Variants in CLEC1A observed in about 807,000 individuals in gnomAD.
CLEC1A encodes C-type lectin-like receptor-1.
A neutral mutation model predicts 28.7 loss-of-function variants in CLEC1A; 34 were observed. That is an observed-to-expected ratio of 1.18 (90% CI 0.90 to 1.57). The LOEUF (loss-of-function observed/expected upper bound fraction) is 1.57. Ranked by LOEUF, CLEC1A falls within the 40% of genes most tolerant of loss-of-function variation. CLEC1A has a pLI of 0.00. For missense variants in CLEC1A, 385 were observed against 339.5 expected, an observed-to-expected ratio of 1.13 and a Z score of -1.05; for synonymous variants, 116 against 121.0, an observed-to-expected ratio of 0.96 and a Z score of 0.27.
At chr12:10,088,996 A>T in intron 2 of CLEC1A, 128 bp downstream of exon 2, 1 of 739,188 alleles carries the variant, frequency 1.4e-6, no homozygotes, top group Non-Finnish European at 2.4e-6. Context: ...TGCCATTTAA[A>T]AAAAGATACA....
chr12:10,077,472 C>T (rs184387405), intron 3 of CLEC1A, among the ~76,000 whole-genome samples: 1 of 152,052 alleles, frequency 6.6e-6, no homozygotes, highest in East Asian at 1.9e-4. Context: ...TATTTTTGGC[C>T]GGAAAAACGG....
chr12:10,077,606 C>T (rs1410349470), intron 3 of CLEC1A, among the ~76,000 whole-genome samples: 5 of 151,942 alleles, frequency 3.3e-5, no homozygotes, highest in Non-Finnish European at 7.4e-5. Flanking sequence ...CTATAAATTA[C>T]CATTTTTATA....
chr12:10,086,909 A>T (rs535462936), intron 2 of CLEC1A, among the ~76,000 whole-genome samples: 7 of 152,132 alleles, frequency 4.6e-5, no homozygotes, highest in Non-Finnish European at 1.0e-4. Context: ...CATCAACAAA[A>T]GGCTAGCTAA....
chr12:10,073,957 T>C (rs1242933249), intron 4 of CLEC1A, among the ~76,000 whole-genome samples: 1 of 152,238 alleles, frequency 6.6e-6, no homozygotes, highest in African/African-American at 2.4e-5. Flanking sequence ...GTCCTATACA[T>C]GGTAATCCTT....
chr12:10,074,499 AT>A (rs1254472821), intron 4 of CLEC1A, among the ~76,000 whole-genome samples: 5 of 152,236 alleles, frequency 3.3e-5, no homozygotes, highest in Non-Finnish European at 7.3e-5. Context: ...AAATAACTAC[AT>A]AGGTTCAACA....
intron 3 of CLEC1A, among the ~76,000 whole-genome samples, chr12:10,076,439 T>C (rs1322827827): frequency 6.6e-6 from 1 of 152,160 alleles, no homozygotes; most frequent in Non-Finnish European, 1.5e-5. Context: ...GTTTATATCT[T>C]CTTGTAAATT....
chr12:10,077,396 G>A (rs1866273434), intron 3 of CLEC1A, among the ~76,000 whole-genome samples: 1 of 152,018 alleles, frequency 6.6e-6, no homozygotes, highest in Admixed American at 6.5e-5. Flanking sequence ...ACAACAGAGT[G>A]AGACCCTGTT....
intron 4 of CLEC1A, 146 bp from the exon 5 acceptor site, chr12:10,073,557 C>G (rs567597219): frequency 1.6e-6 from 1 of 625,782 alleles, no homozygotes; most frequent in African/African-American, 1.8e-5. Flanking sequence ...GAAAAAGCAT[C>G]TATGCTGAGG....
intron 2 of CLEC1A, among the ~76,000 whole-genome samples, chr12:10,082,367 C>T (rs1866390495): frequency 1.3e-5 from 2 of 152,214 alleles, no homozygotes; most frequent in Admixed American, 6.5e-5. Context: ...GCAAGACTTG[C>T]ATCACCAGCT....
intron 1 of CLEC1A, among the ~76,000 whole-genome samples, chr12:10,098,543 C>T (rs550768739): frequency 2.0e-5 from 3 of 152,136 alleles, no homozygotes; most frequent in Admixed American, 1.3e-4. Context: ...GTGTATATTA[C>T]CATGTGAGTC....
In CLEC1A at chr12:10,070,233, T is replaced by G. The variant is rs537075482; in HGVS notation, c.*1100A>C. 1.3e-5 allele frequency: 2 copies of G among 152,358 alleles called. No individual in the cohort carries two copies. Among genetic ancestry groups the G allele is most frequent in the South Asian group, 4.1e-4 (2 of 4,834 alleles). 9.4% of individuals were successfully genotyped at this position (152,358 alleles called of 1,614,324 possible). On this transcript the variant is annotated 3_prime_UTR_variant, in exon 6 of 6. Coordinates refer to ENST00000315330, the MANE Select transcript of CLEC1A (RefSeq NM_016511.4). ...CAACTCAGCTTCCTCATCAACCATG[T>G]GTTGATGCCATAAGCTCACCTCAAA...
At position 10,098,906 on chromosome 12, in the gene CLEC1A, C is replaced by T. The variant is rs772786056; in HGVS notation, c.17G>A (p.Ser6Asn). The T allele has an allele frequency of 6.2e-7, 1 of 1,612,252 alleles. No homozygotes were observed. The highest frequency in any genetic ancestry group is 2.2e-5 in the East Asian group (1 of 44,856). The change falls in exon 1 of 6, where the codon AGC (serine) becomes AAC (asparagine). Residue 6 changes from serine to asparagine, a missense_variant. By Grantham distance (46) the Ser-to-Asn change is conservative (BLOSUM62 1). Transcript: ENST00000315330. ...ATCATCCAGCATGTCCCTCGTGCTGCTGTACTTGGCCTGCATCTGGATTCC... is the reference window on the plus strand; with the variant it reads ...ATCATCCAGCATGTCCCTCGTGCTGTTGTACTTGGCCTGCATCTGGATTCC... MQAKY[S>N]STRDMLDDDG... is the part of the protein sequence containing the mutation.
intron 2 of CLEC1A, among the ~76,000 whole-genome samples, chr12:10,082,080 A>G (rs1411231865): frequency 1.3e-5 from 2 of 152,200 alleles, no homozygotes; most frequent in Non-Finnish European, 2.9e-5. Context: ...CAGTGGAATT[A>G]AAGAGGAGAC....
In CLEC1A at chr12:10,081,353, C is replaced by CTTTCTTCCA; in HGVS notation, c.266_274dup (p.Met89_Glu91dup). ...CAACTCTTGGGACGTATTTCCTAAT[C>CTTTCTTCCA]TTTCTTCCATTTGAGAAATGGTGTC... On this transcript the variant is annotated inframe_insertion, in exon 3 of 6. Coordinates refer to ENST00000315330, the MANE Select transcript of CLEC1A (RefSeq NM_016511.4). 1 of 1,613,280 alleles carries CTTTCTTCCA rather than the reference C, an allele frequency of 6.2e-7. No homozygotes were observed. The highest frequency in any genetic ancestry group is 8.5e-7 in the Non-Finnish European group (1 of 1,179,672).
rs186630568 is a variant in CLEC1A at position 10,089,632 on chromosome 12, G to A, written c.116-410C>T. On this transcript the variant is annotated intron_variant, in intron 1 of 5. Coordinates refer to ENST00000315330, the MANE Select transcript of CLEC1A (RefSeq NM_016511.4). The stretch of plus-strand genomic sequence containing the variant: ...GGGACAACTTTTTACATAATCAGGG[G>A]AAAGATGAAATTAATTTGTTGTTAC... Among the ~76,000 whole-genome samples, 29 of 152,098 alleles carry A rather than the reference G, an allele frequency of 1.9e-4. 1 individual carries two copies. In the East Asian group the frequency reaches 3.1e-3, roughly 16 times the overall value.
rs1013740650 is a variant in CLEC1A, at chr12:10,089,104, A to C, written c.214+20T>G. On this transcript the variant is annotated intron_variant, in intron 2 of 5. Coordinates refer to ENST00000315330, the MANE Select transcript of CLEC1A (RefSeq NM_016511.4). ...AACCTTGGAACCAGGATCCTCCCCCAGGTCAGAGCGCAGACTTACACAAAA... is the reference window on the plus strand; with the variant it reads ...AACCTTGGAACCAGGATCCTCCCCCCGGTCAGAGCGCAGACTTACACAAAA... 186 of 1,583,272 alleles carry C rather than the reference A, an allele frequency of 1.2e-4. 2 individuals carry two copies. The Admixed American group carries it at 3.0e-3, about 26-fold the overall frequency.
At chr12:10,089,852 T>C (rs1371292978) in intron 1 of CLEC1A, among the ~76,000 whole-genome samples, 1 of 152,194 alleles carries the variant, frequency 6.6e-6, no homozygotes, top group African/African-American at 2.4e-5. Context: ...TAAAGAAACA[T>C]GATAATCAAT....
In CLEC1A at chr12:10,080,629, T is replaced by C. The variant is rs79143594; in HGVS notation, c.391+608A>G. Among the ~76,000 whole-genome samples the C allele has an allele frequency of 6.6e-5, 10 of 152,276 alleles. No homozygotes were observed. The East Asian group carries it at 1.9e-3, about 29-fold the overall frequency. ...GAGCTGACCTGAATAAAGTGGATTA[T>C]CACAAAACCTGAAAAGAATAGGAGA... On this transcript the variant is annotated intron_variant, in intron 3 of 5. Transcript: ENST00000315330.
At chr12:10,073,032 C>G (rs746714933) in intron 5 of CLEC1A, among the ~76,000 whole-genome samples, 7 of 152,072 alleles carry the variant, frequency 4.6e-5, no homozygotes, top group Non-Finnish European at 1.0e-4. Flanking sequence ...GTGAGCAGAG[C>G]TTGCACCACT....
Sources: allele counts gnomAD v4.1 joint callset (sites outside exome capture counted in the v4.1 genomes callset), GRCh38; gene constraint gnomAD v4.1.1; transcripts MANE v1.5; gene names NCBI Gene and HGNC (gene_info 2026-07-23, HGNC 2026-07-21).